Variants in FAM227B observed in about 807,000 individuals in gnomAD.
The protein encoded by FAM227B is family with sequence similarity 227 member B.
Under a neutral mutation model 73.8 loss-of-function variants are expected in FAM227B, and 88 were observed. That is an observed-to-expected ratio of 1.19 (90% CI 1.00 to 1.42). FAM227B has a LOEUF of 1.42. Among genes scored for constraint, FAM227B ranks in the 40% most tolerant of loss-of-function variants. The pLI, the probability that FAM227B is intolerant of heterozygous loss-of-function variation, is 0.00. For synonymous variants in FAM227B, 210 were observed against 190.5 expected (o/e 1.10, Z -0.84); for missense variants, 632 against 590.9 (o/e 1.07, Z -0.72).
chr15:49,589,705 G>A, intron 4 of FAM227B, 71 bp downstream of exon 4: 4 of 1,002,506 alleles, frequency 4.0e-6, no homozygotes, highest in Non-Finnish European at 6.1e-6. Context: ...TTGAGGCCAA[G>A]ATTTGGAGAC....
chr15:49,409,486 G>C (rs1267482760), intron 11 of FAM227B, among the ~76,000 whole-genome samples: 1 of 149,712 alleles, frequency 6.7e-6, no homozygotes, highest in Non-Finnish European at 1.5e-5. Context: ...TTTTATTACT[G>C]TTCCTTCTCT....
At chr15:49,541,288 T>C (rs1378259376) in intron 10 of FAM227B, among the ~76,000 whole-genome samples, 1 of 152,132 alleles carries the variant, frequency 6.6e-6, no homozygotes, top group Non-Finnish European at 1.5e-5. Context: ...CCTTGATTAA[T>C]GTTCTCTGAG....
chr15:49,389,040 G>C (rs1409486583), intron 11 of FAM227B, among the ~76,000 whole-genome samples: 2 of 151,940 alleles, frequency 1.3e-5, no homozygotes, highest in African/African-American at 4.8e-5. Flanking sequence ...TTCACTATTG[G>C]TGGGAATGTA....
rs752971532 is a variant in FAM227B at position 49,589,863 on chromosome 15, T to A, written c.250A>T (p.Met84Leu). The change falls in exon 4 of 16, where the codon ATG (methionine) becomes TTG (leucine). Residue 84 changes from methionine to leucine, a missense_variant. Coordinates refer to ENST00000299338, the MANE Select transcript of FAM227B (RefSeq NM_152647.3). ...VPRIFEALLIMESKLKEYSLI... is the reference protein window; with the variant it reads ...VPRIFEALLILESKLKEYSLI... ...GAATATTCCTTTAATTTTGATTCCA[T>A]GATCAAAAGTGCTTCAAATATTCGA... 4 of 1,606,530 alleles carry A rather than the reference T, an allele frequency of 2.5e-6. No homozygotes were observed. The highest frequency in any genetic ancestry group is 3.4e-6 in the Non-Finnish European group (4 of 1,173,172).
At chr15:49,539,573 T>C (rs2070765808) in intron 10 of FAM227B, among the ~76,000 whole-genome samples, 2 of 152,100 alleles carry the variant, frequency 1.3e-5, no homozygotes, top group African/African-American at 2.4e-5. Context: ...TTGTGGGACA[T>C]GGGAACTTTT....
intron 13 of FAM227B, among the ~76,000 whole-genome samples, chr15:49,352,928 T>A (rs964170844): frequency 6.6e-6 from 1 of 152,218 alleles, no homozygotes; most frequent in South Asian, 2.1e-4. Flanking sequence ...GTGTTCTGTC[T>A]TACTGCAGTG....
intron 3 of FAM227B, among the ~76,000 whole-genome samples, chr15:49,605,992 C>T (rs1454241426): frequency 6.6e-6 from 1 of 152,154 alleles, no homozygotes; most frequent in African/African-American, 2.4e-5. Flanking sequence ...TATGTGCTCA[C>T]TTCATTCTCC....
chr15:49,513,810 G>C (rs1363783732), intron 10 of FAM227B, among the ~76,000 whole-genome samples: 1 of 151,998 alleles, frequency 6.6e-6, no homozygotes, highest in East Asian at 1.9e-4. Flanking sequence ...TTAGTTTTCT[G>C]CATATGGCTA....
At chr15:49,517,178 T>C (rs528566786) in intron 10 of FAM227B, among the ~76,000 whole-genome samples, 2 of 152,256 alleles carry the variant, frequency 1.3e-5, no homozygotes, top group Admixed American at 1.3e-4. Flanking sequence ...CTTGTGATCC[T>C]TTTTTTCTCT....
chr15:49,575,105 CT>C lies in FAM227B; in HGVS notation c.550del (p.Arg184GlufsTer50). 6.4e-7 allele frequency: 1 copy of C among 1,572,878 alleles called. No homozygotes were observed. Among genetic ancestry groups the C allele is most frequent in the South Asian group, 1.2e-5 (1 of 86,534 alleles). On this transcript the variant is annotated frameshift_variant, in exon 8 of 16. Coordinates refer to ENST00000299338, the MANE Select transcript of FAM227B (RefSeq NM_152647.3). LOFTEE classifies it high-confidence loss of function. ...ATGAGTCTTCCAGATTTTAAAAACT[CT>C]TTCCTATGGAAAAAAACAAGAGAGA... ...FILKAHNFDERVFKIWKTHFL... is the reference protein window; with the variant it reads ...FILKAHNFDEXVFKIWKTHFL...
rs180678144 is a variant in FAM227B at position 49,570,673 on chromosome 15, G to A, written c.646-2327C>T. Among the ~76,000 whole-genome samples, 98 of 151,294 alleles carry A rather than the reference G, an allele frequency of 6.5e-4. 1 individual carries two copies. The highest frequency in any genetic ancestry group is 2.2e-4 in the Non-Finnish European group (15 of 67,656). On this transcript the variant is annotated intron_variant, in intron 8 of 15. Coordinates refer to ENST00000299338, the MANE Select transcript of FAM227B (RefSeq NM_152647.3). ...ATAACTACCTTTCTGCTGTTTCTAT[G>A]AGATTGACTTTTTTAAATTCCACAT... is the stretch of plus-strand genomic sequence containing the variant.
chr15:49,513,867 G>A (rs956597782), intron 10 of FAM227B, among the ~76,000 whole-genome samples: 7 of 152,018 alleles, frequency 4.6e-5, no homozygotes, highest in Admixed American at 6.6e-5. Flanking sequence ...TTTCCCCATC[G>A]CTTGTTTTTG....
At chr15:49,477,839 C>A (rs936022012) in intron 11 of FAM227B, among the ~76,000 whole-genome samples, 1 of 152,200 alleles carries the variant, frequency 6.6e-6, no homozygotes, top group African/African-American at 2.4e-5. Flanking sequence ...CAGCATACAG[C>A]ACTGTTAGTT....
chr15:49,373,683 C>T (rs1054587512), intron 11 of FAM227B, among the ~76,000 whole-genome samples: 1 of 152,070 alleles, frequency 6.6e-6, no homozygotes, highest in Non-Finnish European at 1.5e-5. Flanking sequence ...GAGATGTTAT[C>T]CCCTCTAAAA....
At chr15:49,348,839 C>G (rs1413446943) in intron 13 of FAM227B, among the ~76,000 whole-genome samples, 1 of 152,176 alleles carries the variant, frequency 6.6e-6, no homozygotes, top group Non-Finnish European at 1.5e-5. Context: ...TTCACTTAAA[C>G]TATTTGAAAA....
intron 11 of FAM227B, chr15:49,422,967 T>C (rs907347791): frequency 2.6e-5 from 9 of 351,320 alleles, no homozygotes; most frequent in Non-Finnish European, 1.0e-5. Context: ...ATTTTCCAAG[T>C]ATAATACAAC....
At chr15:49,419,129 T>A (rs952364996) in intron 11 of FAM227B, among the ~76,000 whole-genome samples, 2 of 152,172 alleles carry the variant, frequency 1.3e-5, no homozygotes, top group African/African-American at 4.8e-5. Context: ...AATATGGGAA[T>A]GTTTATGAGG....
intron 13 of FAM227B, among the ~76,000 whole-genome samples, chr15:49,355,042 A>G (rs889276165): frequency 6.6e-6 from 1 of 151,202 alleles, no homozygotes; most frequent in Non-Finnish European, 1.5e-5. Context: ...CTCTGTTAGA[A>G]GGAAAACTAA....
intron 11 of FAM227B, among the ~76,000 whole-genome samples, chr15:49,382,944 G>C (rs920344532): frequency 2.6e-5 from 4 of 152,096 alleles, no homozygotes; most frequent in African/African-American, 9.7e-5. Flanking sequence ...AAACTCAGAA[G>C]CAAGGTTTAA....
Sources: gnomAD v4.1 joint callset for allele counts (sites outside exome capture counted in the v4.1 genomes callset) on GRCh38, gnomAD v4.1.1 for gene constraint, MANE v1.5 for transcripts, NCBI Gene and HGNC (gene_info 2026-07-23, HGNC 2026-07-21) for gene names.